Variants in ARHGAP42 observed in about 807,000 individuals in gnomAD.
ARHGAP42 encodes rho GTPase-activating protein 42.
Under a neutral mutation model 125.0 loss-of-function variants are expected in ARHGAP42, and 63 were observed. That is an observed-to-expected ratio of 0.50 (90% confidence interval 0.41 to 0.62). The LOEUF (loss-of-function observed/expected upper bound fraction) is 0.62, where lower values mean the gene tolerates loss of function less well. ARHGAP42 is among the 20% of genes least tolerant of loss of function. The pLI, the probability that ARHGAP42 is intolerant of heterozygous loss-of-function variation, is 0.00. For missense variants in ARHGAP42, 766 were observed against 1,024.2 expected (o/e 0.75, Z 3.44); for synonymous variants, 339 against 351.0 (o/e 0.97, Z 0.38).
intron 1 of ARHGAP42, among the ~76,000 whole-genome samples, chr11:100,724,602 G>A (rs188074007): frequency 6.6e-6 from 1 of 152,054 alleles, no homozygotes; most frequent in East Asian, 1.9e-4. Flanking sequence ...GCATAGAGTT[G>A]TTTATAGTAT....
intron 2 of ARHGAP42, among the ~76,000 whole-genome samples, chr11:100,787,150 C>T (rs867656073): frequency 3.3e-5 from 5 of 151,746 alleles, no homozygotes; most frequent in Admixed American, 6.6e-5. Context: ...TGGTGGTGGG[C>T]GCCTGTAGTC....
intron 3 of ARHGAP42, among the ~76,000 whole-genome samples, chr11:100,846,328 C>G (rs905867034): frequency 6.6e-6 from 1 of 152,152 alleles, no homozygotes; most frequent in Admixed American, 6.6e-5. Flanking sequence ...ACACCTCACA[C>G]TCAGCTAGTG....
chr11:100,974,597 C>G lies in ARHGAP42; in HGVS notation c.1849C>G (p.Pro617Ala). 6.5e-7 allele frequency: 1 copy of G among 1,549,802 alleles called. No homozygotes were observed. The highest frequency in any genetic ancestry group is 2.0e-5 in the Admixed American group (1 of 50,812). ...RGRYTPCLAE[P>A]DSDSYSSSPD... The stretch of plus-strand genomic sequence containing the variant: ...GAGGTATACTCCATGCCTGGCCGAA[C>G]CTGATAGTAAGTGCACCCGGCCTTA... The change falls in exon 19 of 24, where the codon CCT (proline) becomes GCT (alanine). Residue 617 changes from proline to alanine, a missense_variant. Physicochemically the swap from Pro to Ala is conservative, Grantham distance 27. This residue lies in a region of ARHGAP42 where 308 missense variants were observed against 369.7 expected (regional missense o/e 0.83). Transcript: ENST00000298815.
chr11:100,885,111 G>A (rs1215211162), intron 4 of ARHGAP42, among the ~76,000 whole-genome samples: 27 of 152,136 alleles, frequency 1.8e-4, no homozygotes, highest in Admixed American at 1.8e-3. Flanking sequence ...AGCGGAGTTG[G>A]CATGTATATT....
chr11:100,984,067 T>C lies in ARHGAP42; in HGVS notation c.2457-3446T>C, dbSNP rs80237920. On this transcript the variant is annotated intron_variant, in intron 22 of 23. Coordinates refer to ENST00000298815, the MANE Select transcript of ARHGAP42 (RefSeq NM_152432.4). Reference sequence around the variant, plus strand: ...CGGAAGTCGAGACTGCAGTGAGCCATGATTGCACTATTGCATTCCAGCCTG... The same window carrying C: ...CGGAAGTCGAGACTGCAGTGAGCCACGATTGCACTATTGCATTCCAGCCTG... Among the ~76,000 whole-genome samples the C allele has an allele frequency of 4.5e-3, 677 of 151,066 alleles. 4 individuals carry two copies. The highest frequency in any genetic ancestry group is 0.016 in the African/African-American group (658 of 41,112).
chr11:100,827,002 C>CT (rs869260353), intron 3 of ARHGAP42, among the ~76,000 whole-genome samples: 17,143 of 81,072 alleles, frequency 0.21, 2,255 homozygotes, highest in African/African-American at 0.26. Flanking sequence ...GCCTTACATC[C>CT]TTTTTTTTTT....
chr11:100,876,790 T>C (rs1380114441), intron 4 of ARHGAP42, among the ~76,000 whole-genome samples: 1 of 152,236 alleles, frequency 6.6e-6, no homozygotes, highest in African/African-American at 2.4e-5. Flanking sequence ...ACTTTATTAA[T>C]AGGTTTCACT....
intron 12 of ARHGAP42, among the ~76,000 whole-genome samples, chr11:100,954,178 T>C (rs748739956): frequency 6.6e-6 from 1 of 152,104 alleles, no homozygotes; most frequent in Non-Finnish European, 1.5e-5. Context: ...TGTGATGGCT[T>C]CTGAGCTGGT....
At chr11:100,710,538 GTTTTTTTT>G (rs57891043) in intron 1 of ARHGAP42, among the ~76,000 whole-genome samples, 1 of 107,250 alleles carries the variant, frequency 9.3e-6, no homozygotes, top group Non-Finnish European at 1.8e-5. Flanking sequence ...CCGGCCAGCA[GTTTTTTTT>G]TTTTTTTTTT....
intron 3 of ARHGAP42, among the ~76,000 whole-genome samples, chr11:100,811,269 T>C (rs1204430233): frequency 6.6e-6 from 1 of 152,204 alleles, no homozygotes; most frequent in East Asian, 1.9e-4. Context: ...ATAAACATTT[T>C]AAATGTTAGT....
rs575391238 is a variant in ARHGAP42, at chr11:100,859,445, A to G, written c.313-109A>G. 52 of 909,772 alleles carry G rather than the reference A, an allele frequency of 5.7e-5. No homozygotes were observed. In the African/African-American group the frequency reaches 7.7e-4, roughly 14 times the overall value. 56.4% of individuals were successfully genotyped at this position (909,772 alleles called of 1,614,324 possible). On this transcript the variant is annotated intron_variant, in intron 3 of 23. Coordinates refer to ENST00000298815, the MANE Select transcript of ARHGAP42 (RefSeq NM_152432.4). Reference sequence around the variant, plus strand: ...CATGTAAGTTGTTTTTATAGATGCAAACAAAAACAAAAACAGTCTATTTGA... The same window carrying G: ...CATGTAAGTTGTTTTTATAGATGCAGACAAAAACAAAAACAGTCTATTTGA...
intron 22 of ARHGAP42, among the ~76,000 whole-genome samples, chr11:100,980,559 CT>C (rs763302463): frequency 0.011 from 571 of 51,884 alleles, no homozygotes; most frequent in Middle Eastern, 0.019. Flanking sequence ...TTTTCTTCTT[CT>C]TTTTTTTTTT....
intron 2 of ARHGAP42, among the ~76,000 whole-genome samples, chr11:100,779,487 C>T (rs1312746440): frequency 1.1e-4 from 7 of 62,818 alleles, no homozygotes; most frequent in East Asian, 1.5e-3. Context: ...TATATATATA[C>T]ACACACACAC....
chr11:100,828,251 C>G (rs1864572996), intron 3 of ARHGAP42, among the ~76,000 whole-genome samples: 1 of 143,352 alleles, frequency 7.0e-6, no homozygotes. Flanking sequence ...GAAGGATTTT[C>G]CCCAGTTTAA....
chr11:100,706,063 T>C (rs1402395174), intron 1 of ARHGAP42, among the ~76,000 whole-genome samples: 1 of 145,718 alleles, frequency 6.9e-6, no homozygotes, highest in Non-Finnish European at 1.5e-5. Context: ...CACTGCAACC[T>C]CTGCATCCCG....
At chr11:100,985,933 G>A (rs1858667427) in intron 22 of ARHGAP42, 1 of 409,736 alleles carries the variant, frequency 2.4e-6, no homozygotes, top group Admixed American at 2.9e-5. Flanking sequence ...AGCTGTGGAT[G>A]CAAATGCTGC....
chr11:100,899,734 G>GTTTTTTTTT (rs1439404512), intron 4 of ARHGAP42, among the ~76,000 whole-genome samples: 1 of 63,798 alleles, frequency 1.6e-5, no homozygotes, highest in Non-Finnish European at 3.1e-5. Context: ...TTTTTTTTTT[G>GTTTTTTTTT]TTTTTTTTTG....
chr11:100,748,860 T>G (rs2120352590), intron 1 of ARHGAP42, among the ~76,000 whole-genome samples: 1 of 152,318 alleles, frequency 6.6e-6, no homozygotes, highest in African/African-American at 2.4e-5. Flanking sequence ...AATTATAGGT[T>G]TTAAATTTAC....
intron 4 of ARHGAP42, among the ~76,000 whole-genome samples, chr11:100,899,724 T>TG (rs1866482574): frequency 1.3e-5 from 1 of 77,128 alleles, no homozygotes; most frequent in Non-Finnish European, 2.5e-5. Context: ...TGTGTTTTGT[T>TG]TTTTTTTTTG....
Sources: gnomAD v4.1 joint callset for allele counts (sites outside exome capture counted in the v4.1 genomes callset) on GRCh38, gnomAD v4.1.1 for gene constraint, gnomAD v4.1.1 regional missense constraint, MANE v1.5 for transcripts, NCBI Gene and HGNC (gene_info 2026-07-23, HGNC 2026-07-21) for gene names.